HMOX2: variants seen among roughly 807,000 people sequenced by gnomAD.
HMOX2 encodes the protein heme oxygenase 2.
A neutral mutation model predicts 33.7 loss-of-function variants in HMOX2; 30 were observed. That is an observed-to-expected ratio of 0.89 (90% CI 0.67 to 1.21). The LOEUF (loss-of-function observed/expected upper bound fraction) is 1.21, where lower values mean the gene tolerates loss of function less well. HMOX2 is among the 50% of genes most tolerant of loss of function. The pLI, the probability that HMOX2 is intolerant of heterozygous loss-of-function variation, is 0.00. For missense variants in HMOX2, 403 were observed against 399.1 expected, an observed-to-expected ratio of 1.01 and a Z score of -0.08; for synonymous variants, 155 against 155.0, an observed-to-expected ratio of 1.00 and a Z score of 0.00.
At chr16:4,494,345 G>T (rs1194645816) in intron 1 of HMOX2, among the ~76,000 whole-genome samples, 2 of 151,618 alleles carry the variant, frequency 1.3e-5, no homozygotes, top group African/African-American at 4.8e-5. Context: ...ACAAGGCTAT[G>T]AAAATTTAAC....
chr16:4,493,379 A>G (rs76201465), intron 1 of HMOX2, among the ~76,000 whole-genome samples: 2,183 of 152,242 alleles, frequency 0.014, 50 homozygotes, highest in African/African-American at 0.05. Context: ...TGCAAGTGAC[A>G]TATTCTTTAG....
At chr16:4,498,948 CAT>C (rs759604627) in intron 1 of HMOX2, among the ~76,000 whole-genome samples, 2 of 152,218 alleles carry the variant, frequency 1.3e-5, no homozygotes, top group Admixed American at 6.5e-5. Flanking sequence ...CTGCCCCAAA[CAT>C]GTGGCTCAGC....
intron 1 of HMOX2, among the ~76,000 whole-genome samples, chr16:4,480,563 T>G (rs974815872): frequency 3.3e-5 from 5 of 151,888 alleles, no homozygotes; most frequent in Admixed American, 2.6e-4. Context: ...CAGGCTGGTC[T>G]CAAACTCCTG....
chr16:4,498,361 C>T (rs926619075), intron 1 of HMOX2, among the ~76,000 whole-genome samples: 2 of 151,488 alleles, frequency 1.3e-5, no homozygotes, highest in East Asian at 1.9e-4. Flanking sequence ...CCACCACACC[C>T]GGCTGGATTC....
chr16:4,478,092 T>C (rs1350887644), intron 1 of HMOX2, among the ~76,000 whole-genome samples: 2 of 152,208 alleles, frequency 1.3e-5, no homozygotes, highest in East Asian at 3.8e-4. Context: ...AACACACTCA[T>C]TGAATGACCT....
intron 1 of HMOX2, among the ~76,000 whole-genome samples, chr16:4,481,191 CA>C (rs1474405829): frequency 6.6e-6 from 1 of 150,664 alleles, no homozygotes; most frequent in African/African-American, 2.4e-5. Context: ...CTAAAAAATA[CA>C]AAAAAAATTA....
intron 1 of HMOX2, among the ~76,000 whole-genome samples, chr16:4,487,111 T>C (rs2058188192): frequency 2.0e-5 from 3 of 152,024 alleles, no homozygotes; most frequent in Admixed American, 6.6e-5. Context: ...TTTTTAAAAT[T>C]AGCTAGACAT....
chr16:4,498,108 G>A (rs2058468982), intron 1 of HMOX2, among the ~76,000 whole-genome samples: 1 of 124,078 alleles, frequency 8.1e-6, no homozygotes, highest in African/African-American at 3.1e-5. Context: ...GCTCTGTTGT[G>A]CAGGCTGGAG....
intron 1 of HMOX2, chr16:4,481,681 G>A (rs976781984): frequency 6.6e-6 from 1 of 152,264 alleles, no homozygotes. Context: ...GGTACTTGAC[G>A]TGCAGAGCAA....
upstream of HMOX2, chr16:4,474,987 C>T (rs4786499): frequency 0.91 from 139,260 of 152,260 alleles, 63,918 homozygotes; most frequent in African/African-American, 0.98. Context: ...TGTCTTGGTC[C>T]GTCGCCCAGG....
chr16:4,487,951 C>CAAA (rs71139635), intron 1 of HMOX2, among the ~76,000 whole-genome samples: 1 of 70,648 alleles, frequency 1.4e-5, no homozygotes, highest in Non-Finnish European at 3.2e-5. Flanking sequence ...AACTCTGTCT[C>CAAA]AAAAAAAAAA....
intron 1 of HMOX2, among the ~76,000 whole-genome samples, chr16:4,487,413 G>A (rs1028078358): frequency 3.9e-5 from 6 of 152,176 alleles, no homozygotes; most frequent in African/African-American, 1.2e-4. Flanking sequence ...GCTCATACCT[G>A]TAATCCCGGC....
At chr16:4,482,209 C>A (rs1023557259) in intron 1 of HMOX2, among the ~76,000 whole-genome samples, 1 of 152,116 alleles carries the variant, frequency 6.6e-6, no homozygotes, top group African/African-American at 2.4e-5. Flanking sequence ...ATTTGTCCTG[C>A]TCTGTAAGAC....
chr16:4,506,137 C>G (rs763997993), intron 2 of HMOX2, among the ~76,000 whole-genome samples: 1 of 152,008 alleles, frequency 6.6e-6, no homozygotes, highest in African/African-American at 2.4e-5. Context: ...TGGATGATAA[C>G]GAGCTAATCT....
At chr16:4,493,452 T>A (rs927823618) in intron 1 of HMOX2, among the ~76,000 whole-genome samples, 1 of 152,264 alleles carries the variant, frequency 6.6e-6, no homozygotes, top group Non-Finnish European at 1.5e-5. Context: ...TTAATTCTCA[T>A]ACCCACCTTG....
At chr16:4,507,688 T>C in intron 3 of HMOX2, 25 bp from the exon 4 acceptor site, 1 of 1,605,856 alleles carries the variant, frequency 6.2e-7, no homozygotes. Context: ...CAGGCATAGC[T>C]GGCCTCCTCC....
chr16:4,495,122 G>A (rs543613631), intron 1 of HMOX2, among the ~76,000 whole-genome samples: 4 of 152,304 alleles, frequency 2.6e-5, no homozygotes, highest in South Asian at 2.1e-4. Context: ...CACTCTGCCC[G>A]ACTAGTCCTA....
At chr16:4,490,789 A>G (rs546887306) in intron 1 of HMOX2, among the ~76,000 whole-genome samples, 10 of 152,312 alleles carry the variant, frequency 6.6e-5, no homozygotes, top group Non-Finnish European at 1.2e-4. Context: ...CTGTAAATTG[A>G]TGAAGGGATG....
At chr16:4,489,155 C>G (rs8048958) in intron 1 of HMOX2, among the ~76,000 whole-genome samples, 1 of 152,190 alleles carries the variant, frequency 6.6e-6, no homozygotes, top group African/African-American at 2.4e-5. Flanking sequence ...GTAGTCATAT[C>G]TGTGGAATGT....
Sources: gnomAD v4.1 joint callset for allele counts (sites outside exome capture counted in the v4.1 genomes callset) on GRCh38, gnomAD v4.1.1 for gene constraint, MANE v1.5 for transcripts, NCBI Gene and HGNC (gene_info 2026-07-23, HGNC 2026-07-21) for gene names.